RIMS2: variants seen among roughly 807,000 people sequenced by gnomAD.
RIMS2 encodes the protein regulating synaptic membrane exocytosis protein 2.
RIMS2 carries 59 observed loss-of-function variants against 174.4 expected under a neutral mutation model. The observed-to-expected ratio is 0.34, with a 90% CI of 0.27 to 0.42. The LOEUF is 0.42. Among genes scored for constraint, RIMS2 ranks in the 10% least tolerant of loss-of-function variants. The pLI is 1.00. For synonymous variants in RIMS2, 606 were observed against 572.5 expected, an observed-to-expected ratio of 1.06 and a Z score of -0.84; for missense variants, 1,620 against 1,666.3, an observed-to-expected ratio of 0.97 and a Z score of 0.48.
At chr8:103,743,638 G>C (rs778434336) in intron 2 of RIMS2, among the ~76,000 whole-genome samples, 2 of 151,852 alleles carry the variant, frequency 1.3e-5, no homozygotes, top group Non-Finnish European at 2.9e-5. Context: ...ATTAATTTAT[G>C]CTCTAAGGAA....
chr8:104,179,351 A>G (rs2098926539), intron 19 of RIMS2, among the ~76,000 whole-genome samples: 1 of 152,020 alleles, frequency 6.6e-6, no homozygotes, highest in Non-Finnish European at 1.5e-5. Flanking sequence ...AACTTTTTGT[A>G]ATCCCTCAAT....
chr8:103,693,443 G>T (rs1219364275), intron 1 of RIMS2, among the ~76,000 whole-genome samples: 1 of 152,100 alleles, frequency 6.6e-6, no homozygotes, highest in Non-Finnish European at 1.5e-5. Flanking sequence ...ATTAATGGAG[G>T]CTTCTCTTCC....
chr8:104,083,265 C>T (rs1026503764), intron 19 of RIMS2, among the ~76,000 whole-genome samples: 3 of 152,140 alleles, frequency 2.0e-5, no homozygotes, highest in Non-Finnish European at 4.4e-5. Context: ...CTTAAAGTTA[C>T]GCTATTACCT....
chr8:103,854,756 T>C (rs1326483604), intron 3 of RIMS2, among the ~76,000 whole-genome samples: 1 of 152,120 alleles, frequency 6.6e-6, no homozygotes, highest in Non-Finnish European at 1.5e-5. Context: ...TGCTGTTGGA[T>C]TTGATTTGCC....
rs746895436 is a variant in RIMS2 at position 103,942,914 on chromosome 8, C to G, written c.2689C>G (p.Arg897Gly). 8 of 1,605,012 alleles carry G rather than the reference C, an allele frequency of 5.0e-6. No individual in the cohort carries two copies. The highest frequency in any genetic ancestry group is 6.8e-6 in the Non-Finnish European group (8 of 1,176,472). The stretch of plus-strand genomic sequence containing the variant: ...ACAGCTCCATGGAGAGAGCCCAACA[C>G]GGAGGTTGCAAAGTAAGTTTTACTA... The change falls in exon 14 of 24, where the codon CGG (arginine) becomes GGG (glycine). Residue 897 changes from arginine to glycine, a missense_variant. This residue lies in a region of RIMS2 where 1,395 missense variants were observed against 1,360.1 expected (regional missense o/e 1.03). Transcript: ENST00000504942.
chr8:104,131,965 A>G (rs2098477569), intron 19 of RIMS2, among the ~76,000 whole-genome samples: 1 of 152,198 alleles, frequency 6.6e-6, no homozygotes, highest in African/African-American at 2.4e-5. Flanking sequence ...TATTGTGATT[A>G]TGAAAGAATG....
At chr8:104,134,912 G>C (rs970911264) in intron 19 of RIMS2, among the ~76,000 whole-genome samples, 9 of 152,092 alleles carry the variant, frequency 5.9e-5, no homozygotes, top group Admixed American at 1.3e-4. Flanking sequence ...GCTCTGACAG[G>C]GGATCTTTTC....
chr8:103,961,893 A>G lies in RIMS2; in HGVS notation c.2770+760A>G, dbSNP rs530423986. Among the ~76,000 whole-genome samples the G allele has an allele frequency of 2.0e-5, 3 of 152,228 alleles. No homozygotes were observed. The East Asian group carries it at 5.8e-4, about 29-fold the overall frequency. On this transcript the variant is annotated intron_variant, in intron 15 of 23. Transcript: ENST00000504942. ...GTTAGCATGCCTTTATCAGTGTACCACTTTTTAAAAACTCAATGATTATTT... is the reference window on the plus strand; with the variant it reads ...GTTAGCATGCCTTTATCAGTGTACCGCTTTTTAAAAACTCAATGATTATTT...
At chr8:103,812,820 A>G (rs1167229329) in intron 3 of RIMS2, among the ~76,000 whole-genome samples, 1 of 152,210 alleles carries the variant, frequency 6.6e-6, no homozygotes, top group African/African-American at 2.4e-5. Context: ...AGAATACTTT[A>G]CAACAGAGTA....
intron 19 of RIMS2, among the ~76,000 whole-genome samples, chr8:104,161,492 T>C (rs2098760945): frequency 6.6e-6 from 1 of 152,166 alleles, no homozygotes; most frequent in Non-Finnish European, 1.5e-5. Flanking sequence ...GGATCTGTTG[T>C]AGAATTTCAA....
intron 2 of RIMS2, among the ~76,000 whole-genome samples, chr8:103,709,335 T>C (rs1435216028): frequency 1.4e-5 from 2 of 144,952 alleles, no homozygotes; most frequent in Admixed American, 6.9e-5. Flanking sequence ...CATTACGGTA[T>C]GTGGGTTTTT....
intron 19 of RIMS2, among the ~76,000 whole-genome samples, chr8:104,130,629 G>A (rs148343211): frequency 1.4e-3 from 206 of 152,174 alleles, no homozygotes; most frequent in African/African-American, 4.6e-3. Flanking sequence ...GTGCTTAGGC[G>A]GAAGATAAGA....
At chr8:104,039,990 A>G (rs1408265405) in intron 19 of RIMS2, among the ~76,000 whole-genome samples, 1 of 151,508 alleles carries the variant, frequency 6.6e-6, no homozygotes, top group Non-Finnish European at 1.5e-5. Context: ...TCCAAATGTC[A>G]TTTCTTTTCC....
chr8:103,818,349 T>C (rs2098731052), intron 3 of RIMS2, among the ~76,000 whole-genome samples: 1 of 152,186 alleles, frequency 6.6e-6, no homozygotes, highest in Admixed American at 6.5e-5. Context: ...TGAGTTAATA[T>C]TTAAAATTTG....
chr8:103,706,431 C>CT (rs1218640193), intron 2 of RIMS2, among the ~76,000 whole-genome samples: 58 of 151,756 alleles, frequency 3.8e-4, no homozygotes, highest in Admixed American at 2.4e-3. Context: ...ATGATTGTTT[C>CT]TTTTTTTTAA....
intron 19 of RIMS2, among the ~76,000 whole-genome samples, chr8:104,016,240 T>G (rs902139478): frequency 3.2e-4 from 48 of 152,052 alleles, no homozygotes; most frequent in African/African-American, 9.9e-4. Context: ...CATGAAATAT[T>G]TATTTAAAAA....
intron 12 of RIMS2, 107 bp from the exon 15 acceptor site, chr8:103,936,444 T>A (rs1305551244): frequency 6.3e-6 from 4 of 635,464 alleles, no homozygotes; most frequent in Non-Finnish European, 1.0e-5. Context: ...GATAATTTTA[T>A]GGTAAAACTT....
chr8:103,547,461 TAAG>T (rs1403432364), intron 1 of RIMS2, among the ~76,000 whole-genome samples: 6 of 152,160 alleles, frequency 3.9e-5, no homozygotes, highest in African/African-American at 1.4e-4. Context: ...TTGAAACTAA[TAAG>T]AACAATGATA....
intron 19 of RIMS2, among the ~76,000 whole-genome samples, chr8:104,023,271 A>G (rs1337312941): frequency 6.6e-6 from 1 of 150,592 alleles, no homozygotes; most frequent in East Asian, 1.9e-4. Context: ...AGTTTGGATT[A>G]AAGTGACACA....
Sources: allele counts gnomAD v4.1 joint callset (sites outside exome capture counted in the v4.1 genomes callset), GRCh38; gene constraint gnomAD v4.1.1; regional missense constraint gnomAD v4.1.1; transcripts MANE v1.5; gene names NCBI Gene and HGNC (gene_info 2026-07-23, HGNC 2026-07-21).